The following NFATC3 variants were observed in gnomAD, a reference collection of about 807,000 sequenced individuals.
NFATC3 encodes the protein nuclear factor of activated T-cells, cytoplasmic 3.
Under a neutral mutation model 98.6 loss-of-function variants are expected in NFATC3, and 46 were observed. The ratio of observed to expected loss-of-function variants is 0.47; its 90% confidence interval spans 0.37 to 0.60. The LOEUF (loss-of-function observed/expected upper bound fraction) is 0.60, where lower values mean the gene tolerates loss of function less well. Ranked by LOEUF, NFATC3 falls within the 20% of genes least tolerant of loss-of-function variation. The pLI, the probability that NFATC3 is intolerant of heterozygous loss-of-function variation, is 0.00. For synonymous variants in NFATC3, 512 were observed against 472.2 expected (o/e 1.08, Z -1.09); for missense variants, 1,256 against 1,295.5 (o/e 0.97, Z 0.47).
intron 9 of NFATC3, among the ~76,000 whole-genome samples, chr16:68,215,807 A>G (rs866218110): frequency 2.9e-5 from 4 of 138,754 alleles, no homozygotes; most frequent in Non-Finnish European, 6.0e-5. Context: ...CGCTCACTGC[A>G]CGCTCCGCCT....
At chr16:68,160,931 C>T (rs561943425) in intron 4 of NFATC3, among the ~76,000 whole-genome samples, 31 of 149,890 alleles carry the variant, frequency 2.1e-4, no homozygotes, top group Non-Finnish European at 3.2e-4. Flanking sequence ...GCAGTCCACC[C>T]GCTTTAGCCT....
Position 68,158,057 on chromosome 16 carries a change from T to G in NFATC3, c.1590T>G (p.Asn530Lys), listed in dbSNP as rs1382729826. The G allele has an allele frequency of 6.2e-7, 1 of 1,611,648 alleles. No homozygotes were observed. The highest frequency in any genetic ancestry group is 2.2e-5 in the East Asian group (1 of 44,762). Residue 530 changes from asparagine (N) to lysine (K), a missense_variant, in exon 4 of 10, where the codon AAT becomes AAG. Asn to Lys is a moderately conservative substitution (Grantham distance 94). This residue lies in a region of NFATC3 where 156 missense variants were observed against 212.4 expected (regional missense o/e 0.73). Transcript: ENST00000346183. ...AAATTCCACTTCTTCCTGAAAATAA[T>G]ATGTCAGCCAGGTATTTTGAAATAT... ...VLEIPLLPENNMSASIDCAGI... is the reference protein window; with the variant it reads ...VLEIPLLPENKMSASIDCAGI...
intron 5 of NFATC3, among the ~76,000 whole-genome samples, chr16:68,169,965 G>C (rs1252954411): frequency 6.6e-6 from 1 of 152,066 alleles, no homozygotes; most frequent in Non-Finnish European, 1.5e-5. Flanking sequence ...AATGGATGGA[G>C]TGGGGAGAAA....
chr16:68,177,982 G>A (rs1419563479), intron 6 of NFATC3, among the ~76,000 whole-genome samples: 1 of 151,628 alleles, frequency 6.6e-6, no homozygotes, highest in African/African-American at 2.4e-5. Context: ...TTTCCCCCTT[G>A]GCTTTGTTGT....
At chr16:68,206,436 GCTTT>G (rs1308431726) in intron 9 of NFATC3, among the ~76,000 whole-genome samples, 1 of 151,980 alleles carries the variant, frequency 6.6e-6, no homozygotes, top group Non-Finnish European at 1.5e-5. Flanking sequence ...CCTGTACTCT[GCTTT>G]CTGTCTCTAT....
chr16:68,156,498 T>C (rs905628906), intron 3 of NFATC3, among the ~76,000 whole-genome samples: 1 of 152,232 alleles, frequency 6.6e-6, no homozygotes, highest in African/African-American at 2.4e-5. Flanking sequence ...AAGTGGGATC[T>C]ATCCCAGGAA....
chr16:68,149,405 C>T (rs939886033), intron 3 of NFATC3, among the ~76,000 whole-genome samples: 1 of 152,166 alleles, frequency 6.6e-6, no homozygotes, highest in Non-Finnish European at 1.5e-5. Context: ...ATTACTGTTA[C>T]TTTGGATTTT....
At chr16:68,146,150 A>G (rs946013296) in intron 3 of NFATC3, among the ~76,000 whole-genome samples, 6 of 152,196 alleles carry the variant, frequency 3.9e-5, no homozygotes, top group Non-Finnish European at 7.3e-5. Flanking sequence ...TTTGGGTGTC[A>G]TATCAGTGCT....
intron 5 of NFATC3, among the ~76,000 whole-genome samples, chr16:68,170,773 G>A (rs1355813441): frequency 6.6e-6 from 1 of 152,094 alleles, no homozygotes; most frequent in Non-Finnish European, 1.5e-5. Flanking sequence ...GATTACAGGC[G>A]TAAGCCACTG....
At chr16:68,145,133 CTTT>C (rs111691786) in intron 3 of NFATC3, among the ~76,000 whole-genome samples, 15 of 139,798 alleles carry the variant, frequency 1.1e-4, no homozygotes, top group Admixed American at 2.9e-4. Context: ...TTCTCTCTCT[CTTT>C]TTTTTTTTTT....
At chr16:68,205,424 A>T (rs1277794402) in intron 9 of NFATC3, among the ~76,000 whole-genome samples, 2 of 151,768 alleles carry the variant, frequency 1.3e-5, no homozygotes, top group Admixed American at 6.6e-5. Flanking sequence ...TAATTTTTAA[A>T]TTTTTTTGTA....
intron 8 of NFATC3, 27 bp downstream of exon 8, chr16:68,183,393 T>C (rs747980216): frequency 1.9e-6 from 3 of 1,604,978 alleles, no homozygotes; most frequent in East Asian, 2.2e-5. Flanking sequence ...TGGTTTACTA[T>C]AGAGCTTTCT....
At chr16:68,176,484 G>A (rs976153885) in intron 6 of NFATC3, among the ~76,000 whole-genome samples, 3 of 151,654 alleles carry the variant, frequency 2.0e-5, no homozygotes, top group East Asian at 3.9e-4. Context: ...AAAGTTTTTC[G>A]TTGTATGAAT....
intron 1 of NFATC3, among the ~76,000 whole-genome samples, chr16:68,087,424 G>A (rs2034444475): frequency 6.6e-6 from 1 of 152,098 alleles, no homozygotes; most frequent in African/African-American, 2.4e-5. Context: ...ATTAAAATAG[G>A]TCTAAAAGGA....
intron 1 of NFATC3, among the ~76,000 whole-genome samples, chr16:68,104,114 A>G (rs758021588): frequency 2.6e-5 from 4 of 152,188 alleles, no homozygotes; most frequent in African/African-American, 7.2e-5. Context: ...TGCATTGTAC[A>G]TCACTTTGGA....
intron 3 of NFATC3, among the ~76,000 whole-genome samples, chr16:68,126,950 C>CA (rs2036864318): frequency 1.3e-5 from 2 of 152,150 alleles, no homozygotes; most frequent in Admixed American, 1.3e-4. Context: ...CACGGTGGCT[C>CA]ACGCTTGTAA....
intron 8 of NFATC3, among the ~76,000 whole-genome samples, chr16:68,184,658 G>T (rs1362285603): frequency 1.3e-5 from 2 of 152,002 alleles, no homozygotes; most frequent in Non-Finnish European, 2.9e-5. Context: ...CAAAAAATTA[G>T]CCGGGCGTGG....
Position 68,085,406 on chromosome 16 carries a change from G to T in NFATC3, c.-276G>T, listed in dbSNP as rs909520137. The T allele has an allele frequency of 4.2e-6, 1 of 236,006 alleles. No homozygotes were observed. Among genetic ancestry groups the T allele is most frequent in the Non-Finnish European group, 8.0e-6 (1 of 125,088 alleles). 14.6% of individuals were successfully genotyped at this position (236,006 alleles called of 1,614,324 possible). On this transcript the variant is annotated 5_prime_UTR_variant, in exon 1 of 10. Coordinates refer to ENST00000346183, the MANE Select transcript of NFATC3 (RefSeq NM_173165.3). ...GCGCACCCGCGGCGGCGGTGGCGGCGACTGTGGGGGGGCGGCGGGGAACAT... is the reference window on the plus strand; with the variant it reads ...GCGCACCCGCGGCGGCGGTGGCGGCTACTGTGGGGGGGCGGCGGGGAACAT...
chr16:68,221,781 G>A (rs2041873657), intron 9 of NFATC3: 2 of 180,548 alleles, frequency 1.1e-5, no homozygotes, highest in Non-Finnish European at 2.1e-5. Context: ...GTAAGGTGAG[G>A]CACACCAGGC....
Sources: gnomAD v4.1 joint callset for allele counts (sites outside exome capture counted in the v4.1 genomes callset) on GRCh38, gnomAD v4.1.1 for gene constraint, gnomAD v4.1.1 regional missense constraint, MANE v1.5 for transcripts, NCBI Gene and HGNC (gene_info 2026-07-23, HGNC 2026-07-21) for gene names.